ITPR1: variants seen among roughly 807,000 people sequenced by gnomAD.
The protein encoded by ITPR1 is inositol 1,4,5-trisphosphate-gated calcium channel ITPR1.
In ITPR1, 96 loss-of-function variants were observed where a neutral mutation model predicts 318.4. That is an observed-to-expected ratio of 0.30 (90% CI 0.26 to 0.36). The LOEUF (loss-of-function observed/expected upper bound fraction) is 0.36, where lower values mean the gene tolerates loss of function less well. Ranked by LOEUF, ITPR1 falls within the 10% of genes least tolerant of loss-of-function variation. The probability of loss-of-function intolerance (pLI) is 1.00; values close to 1 mark genes in which losing one functional copy is unlikely to be tolerated. For synonymous variants in ITPR1, 1,312 were observed against 1,289.9 expected, an observed-to-expected ratio of 1.02 and a Z score of -0.37; for missense variants, 2,440 against 3,460.2, an observed-to-expected ratio of 0.71 and a Z score of 7.40.
chr3:4,702,703 A>T (rs1276311097), intron 35 of ITPR1, 127 bp from the exon 36 acceptor site: 1 of 1,026,394 alleles, frequency 9.7e-7, no homozygotes, highest in African/African-American at 1.6e-5. Flanking sequence ...GGGTCCATTA[A>T]CAAGGCAGTG....
At chr3:4,576,322 A>T (rs929026161) in intron 4 of ITPR1, among the ~76,000 whole-genome samples, 9 of 152,248 alleles carry the variant, frequency 5.9e-5, no homozygotes, top group Non-Finnish European at 1.0e-4. Flanking sequence ...TGTGCATAAG[A>T]ATATCTTGGT....
In ITPR1 at chr3:4,717,414, G is replaced by A; in HGVS notation, c.5136+15G>A. On this transcript the variant is annotated intron_variant, in intron 40 of 61. Transcript: ENST00000649015. ...ATAATGCTGAGGTCCTAATTTTGTT[G>A]TTTTTTGTTTTTCATGTCTCATGGT... The A allele has an allele frequency of 1.3e-6, 2 of 1,589,198 alleles. No homozygotes were observed. The highest frequency in any genetic ancestry group is 1.7e-6 in the Non-Finnish European group (2 of 1,170,900).
Position 4,683,555 on chromosome 3 carries a change from G to T in ITPR1, c.3327+4G>T. 1 of 1,613,760 alleles carries T rather than the reference G, an allele frequency of 6.2e-7. No homozygotes were observed. ...GGTGCTCCAGGCCTTCAAACAGGTA[G>T]CTCAGGTCACCCACGTGTGTGTTGT... On this transcript the variant is annotated splice_donor_region_variant and intron_variant, in intron 27 of 61. Transcript: ENST00000649015.
rs187139304 is a variant in ITPR1 at position 4,702,972 on chromosome 3, G to C, written c.4657+22G>C. ...GTAGGTAAGATACCAAGTCAGTTTG[G>C]ATATACGTGATGAAAATGAATTGTC... On this transcript the variant is annotated intron_variant, in intron 36 of 61. Coordinates refer to ENST00000649015, the MANE Select transcript of ITPR1 (RefSeq NM_001378452.1). The C allele has an allele frequency of 1.2e-4, 192 of 1,604,780 alleles. No homozygotes were observed. The African/African-American group carries it at 2.4e-3, about 20-fold the overall frequency.
At chr3:4,635,642 G>A (rs188330753) in intron 5 of ITPR1, among the ~76,000 whole-genome samples, 41 of 152,124 alleles carry the variant, frequency 2.7e-4, no homozygotes, top group African/African-American at 8.7e-4. Flanking sequence ...ACTGCGCCCA[G>A]CCAAAAGGTG....
At chr3:4,773,639 C>T (rs1209114774) in intron 46 of ITPR1, among the ~76,000 whole-genome samples, 3 of 152,144 alleles carry the variant, frequency 2.0e-5, no homozygotes, top group Non-Finnish European at 2.9e-5. Context: ...ACAGCCAGGA[C>T]CTCTCCAGAG....
intron 4 of ITPR1, among the ~76,000 whole-genome samples, chr3:4,565,346 C>A (rs1453452233): frequency 3.3e-5 from 5 of 152,176 alleles, no homozygotes; most frequent in African/African-American, 1.2e-4. Context: ...AGCACCTCCA[C>A]GTAAAAGGTT....
intron 60 of ITPR1, among the ~76,000 whole-genome samples, chr3:4,829,603 T>G (rs1296243144): frequency 1.3e-5 from 2 of 152,248 alleles, no homozygotes; most frequent in East Asian, 1.9e-4. Flanking sequence ...ATACATGCCC[T>G]TCTCCTCCTG....
intron 44 of ITPR1, among the ~76,000 whole-genome samples, chr3:4,744,376 G>C (rs752047889): frequency 6.6e-6 from 1 of 152,178 alleles, no homozygotes; most frequent in Non-Finnish European, 1.5e-5. Context: ...AGTGACTTCC[G>C]AGTGTGAGAT....
intron 4 of ITPR1, among the ~76,000 whole-genome samples, chr3:4,521,523 G>A (rs1233531228): frequency 6.6e-6 from 1 of 152,090 alleles, no homozygotes; most frequent in Admixed American, 6.6e-5. Context: ...GGAATGAAAC[G>A]TTCTTAATTA....
intron 4 of ITPR1, among the ~76,000 whole-genome samples, chr3:4,556,701 T>C (rs1348901954): frequency 6.6e-6 from 1 of 152,200 alleles, no homozygotes; most frequent in Non-Finnish European, 1.5e-5. Context: ...ACGATTTATA[T>C]ATTCATTCAC....
chr3:4,495,172 C>T (rs1472818281), intron 2 of ITPR1, among the ~76,000 whole-genome samples: 2 of 151,264 alleles, frequency 1.3e-5, no homozygotes, highest in Non-Finnish European at 2.9e-5. Context: ...GGTCAGACTG[C>T]ATTTGAAGAG....
chr3:4,717,042 A>T (rs1386486482), intron 39 of ITPR1, among the ~76,000 whole-genome samples: 2 of 152,182 alleles, frequency 1.3e-5, no homozygotes, highest in African/African-American at 2.4e-5. Flanking sequence ...ACATTGGGGA[A>T]TTTGCCCTTG....
At chr3:4,675,781 C>A (rs746583725) in intron 23 of ITPR1, among the ~76,000 whole-genome samples, 2 of 152,118 alleles carry the variant, frequency 1.3e-5, no homozygotes, top group African/African-American at 4.8e-5. Context: ...ATATTGGTAT[C>A]ATGTATCAAT....
intron 29 of ITPR1, among the ~76,000 whole-genome samples, chr3:4,684,847 G>A (rs2094363701): frequency 6.6e-6 from 1 of 152,202 alleles, no homozygotes; most frequent in Non-Finnish European, 1.5e-5. Context: ...TGTCCCACTT[G>A]TTGTTGAAGC....
At chr3:4,724,091 A>G (rs2042345166) in intron 40 of ITPR1, among the ~76,000 whole-genome samples, 1 of 151,944 alleles carries the variant, frequency 6.6e-6, no homozygotes, top group Non-Finnish European at 1.5e-5. Context: ...CCTTCCTACC[A>G]CCAGCACTGT....
chr3:4,785,928 C>G (rs1253868936), intron 51 of ITPR1, among the ~76,000 whole-genome samples: 1 of 152,244 alleles, frequency 6.6e-6, no homozygotes, highest in Non-Finnish European at 1.5e-5. Context: ...CCACCCAGCT[C>G]TTCAGGTTTC....
In ITPR1 at chr3:4,663,073, C is replaced by T. The variant is rs1283254634; in HGVS notation, c.1421C>T (p.Thr474Ile). ...GCGTCTTTCCTCCTAAGGTCTGTAA[C>T]CAAGCTGCTAGAAGATTTGGTTTAC... ...TITQNERRSV[T>I]KLLEDLVYFV... Residue 474 changes from threonine (T) to isoleucine (I), a missense_variant, in exon 16 of 62, where the codon ACC (threonine) becomes ATC (isoleucine). By Grantham distance (89) the Thr-to-Ile change is moderately conservative (BLOSUM62 -1). Transcript: ENST00000649015. The T allele has an allele frequency of 6.2e-7, 1 of 1,613,576 alleles. No homozygotes were observed. The highest frequency in any genetic ancestry group is 2.2e-5 in the East Asian group (1 of 44,858).
chr3:4,639,767 T>C (rs1398585359), intron 6 of ITPR1, among the ~76,000 whole-genome samples: 1 of 137,788 alleles, frequency 7.3e-6, no homozygotes, highest in African/African-American at 2.8e-5. Flanking sequence ...GGCAGTTCTG[T>C]TTAATTTGTA....
Sources: allele counts gnomAD v4.1 joint callset (sites outside exome capture counted in the v4.1 genomes callset), GRCh38; gene constraint gnomAD v4.1.1; transcripts MANE v1.5; gene names NCBI Gene and HGNC (gene_info 2026-07-23, HGNC 2026-07-21).